The following MPP7 variants were observed in gnomAD, a reference collection of about 807,000 sequenced individuals.
MPP7 encodes the protein MAGUK p55 scaffold protein 7.
In MPP7, 60 loss-of-function variants were observed where a neutral mutation model predicts 76.5. The ratio of observed to expected loss-of-function variants is 0.78; its 90% CI spans 0.64 to 0.97. The LOEUF (loss-of-function observed/expected upper bound fraction) is 0.97. Ranked by LOEUF, MPP7 falls within the 50% of genes least tolerant of loss-of-function variation. MPP7 has a pLI of 0.00. For synonymous variants in MPP7, 237 were observed against 244.5 expected (o/e 0.97, Z 0.29); for missense variants, 641 against 694.0 (o/e 0.92, Z 0.86).
At chr10:28,184,324 ATCT>A (rs1179916498) in intron 3 of MPP7, among the ~76,000 whole-genome samples, 2 of 148,298 alleles carry the variant, frequency 1.3e-5, no homozygotes, top group Non-Finnish European at 3.0e-5. Context: ...TAAAATATAT[ATCT>A]TTACATATTA....
At chr10:28,105,068 C>T (rs1487181442) in intron 11 of MPP7, among the ~76,000 whole-genome samples, 3 of 144,442 alleles carry the variant, frequency 2.1e-5, no homozygotes, top group Non-Finnish European at 4.5e-5. Context: ...GCAGGAGAAT[C>T]GCTTAAACCA....
chr10:28,101,857 A>AT (rs1853839294), intron 11 of MPP7, among the ~76,000 whole-genome samples: 1 of 152,170 alleles, frequency 6.6e-6, no homozygotes, highest in Non-Finnish European at 1.5e-5. Flanking sequence ...TCGAGAAGCA[A>AT]TTATACTTTG....
At chr10:28,303,743 C>A (rs1216298001), upstream of MPP7, among the ~76,000 whole-genome samples, 3 of 152,154 alleles carry the variant, frequency 2.0e-5, no homozygotes, top group Non-Finnish European at 2.9e-5. Context: ...AGAACTGATT[C>A]TTTCACAATA....
At chr10:28,070,876 A>C (rs527580288) in intron 12 of MPP7, among the ~76,000 whole-genome samples, 3 of 152,160 alleles carry the variant, frequency 2.0e-5, no homozygotes, top group Non-Finnish European at 4.4e-5. Flanking sequence ...TTAGACAGGC[A>C]TAAGTCCCCC....
intron 2 of MPP7, among the ~76,000 whole-genome samples, chr10:28,231,994 T>C (rs1323246054): frequency 6.6e-6 from 1 of 152,070 alleles, no homozygotes; most frequent in Non-Finnish European, 1.5e-5. Flanking sequence ...TCCAGAAATA[T>C]ATAAAAAGGA....
chr10:28,070,355 C>T (rs1297945135), intron 12 of MPP7, among the ~76,000 whole-genome samples: 3 of 152,056 alleles, frequency 2.0e-5, no homozygotes, highest in East Asian at 3.9e-4. Context: ...GCCGAGATCG[C>T]GCCTCTGCAC....
chr10:28,111,281 A>T (rs1254803260), intron 11 of MPP7, among the ~76,000 whole-genome samples: 1 of 152,194 alleles, frequency 6.6e-6, no homozygotes, highest in Admixed American at 6.5e-5. Flanking sequence ...ATGTATTTTA[A>T]ATGTTTCAAA....
chr10:28,183,871 C>T lies in MPP7; in HGVS notation c.156+18282G>A, dbSNP rs543119913. Among the ~76,000 whole-genome samples, 4 of 152,194 alleles carry T rather than the reference C, an allele frequency of 2.6e-5. No homozygotes were observed. In the East Asian group the frequency reaches 5.8e-4, roughly 22 times the overall value. On this transcript the variant is annotated intron_variant, in intron 3 of 16. Transcript: ENST00000683449. ...AGCCAAAGGGATACTGAAAATGGTGCAAATCCTGGCGTATAGCATGGAACA... is the reference window on the plus strand; with the variant it reads ...AGCCAAAGGGATACTGAAAATGGTGTAAATCCTGGCGTATAGCATGGAACA...
intron 2 of MPP7, among the ~76,000 whole-genome samples, chr10:28,231,933 C>T (rs1838898596): frequency 6.6e-6 from 1 of 152,132 alleles, no homozygotes. Context: ...CAACTGAACT[C>T]ACTCATCAAC....
chr10:28,081,875 C>A (rs1406839693), intron 12 of MPP7, among the ~76,000 whole-genome samples: 2 of 151,826 alleles, frequency 1.3e-5, no homozygotes, highest in East Asian at 3.9e-4. Flanking sequence ...GCCTCAGACT[C>A]CTAAATACCT....
intron 1 of MPP7, among the ~76,000 whole-genome samples, chr10:28,247,446 T>C (rs547585003): frequency 1.1e-4 from 17 of 152,344 alleles, no homozygotes; most frequent in Admixed American, 6.5e-4. Context: ...CAATCATGTA[T>C]ATTTATGTAT....
chr10:28,241,628 A>G (rs548235857), intron 1 of MPP7, among the ~76,000 whole-genome samples: 26 of 147,224 alleles, frequency 1.8e-4, no homozygotes, highest in African/African-American at 6.7e-4. Flanking sequence ...CTACAACACA[A>G]AAATACCAGC....
At chr10:28,240,092 A>G (rs796364842) in intron 1 of MPP7, among the ~76,000 whole-genome samples, 14 of 152,286 alleles carry the variant, frequency 9.2e-5, no homozygotes, top group African/African-American at 3.4e-4. Context: ...TAACAGAGAA[A>G]GTACTCCATT....
At chr10:28,264,242 G>A (rs972458741) in intron 1 of MPP7, among the ~76,000 whole-genome samples, 12 of 152,186 alleles carry the variant, frequency 7.9e-5, no homozygotes, top group Admixed American at 5.9e-4. Context: ...AGTGAGCTAC[G>A]ATTGCACCAC....
intron 3 of MPP7, among the ~76,000 whole-genome samples, chr10:28,192,038 C>T (rs1420777916): frequency 2.0e-5 from 3 of 151,822 alleles, no homozygotes; most frequent in East Asian, 3.9e-4. Context: ...GCACGAGAAT[C>T]GCTTGAACCC....
intron 11 of MPP7, among the ~76,000 whole-genome samples, chr10:28,104,770 G>A (rs77552580): frequency 3.6e-4 from 54 of 151,828 alleles, no homozygotes; most frequent in African/African-American, 6.3e-4. Flanking sequence ...TTTTTATACC[G>A]TATGACTCTC....
chr10:28,201,195 T>C (rs552216528), intron 3 of MPP7, among the ~76,000 whole-genome samples: 1 of 152,176 alleles, frequency 6.6e-6, no homozygotes, highest in Non-Finnish European at 1.5e-5. Context: ...TTCTTAAGAA[T>C]TGTCACTGCT....
chr10:28,093,213 T>G (rs1158006752), intron 11 of MPP7, among the ~76,000 whole-genome samples: 1 of 152,192 alleles, frequency 6.6e-6, no homozygotes, highest in African/African-American at 2.4e-5. Flanking sequence ...CAGGTAGAAC[T>G]ATAAATTCCT....
At chr10:28,101,273 G>A (rs1853812746) in intron 11 of MPP7, among the ~76,000 whole-genome samples, 1 of 152,212 alleles carries the variant, frequency 6.6e-6, no homozygotes, top group African/African-American at 2.4e-5. Flanking sequence ...AAAATATTAA[G>A]GCAGTATATT....
Sources: allele counts gnomAD v4.1 joint callset (sites outside exome capture counted in the v4.1 genomes callset), GRCh38; gene constraint gnomAD v4.1.1; transcripts MANE v1.5; gene names NCBI Gene and HGNC (gene_info 2026-07-23, HGNC 2026-07-21).